The following ANO5 variants were observed in gnomAD, a reference collection of about 807,000 sequenced individuals.
ANO5 encodes anoctamin-5.
Under a neutral mutation model 121.0 loss-of-function variants are expected in ANO5, and 109 were observed. The observed-to-expected ratio is 0.90, with a 90% confidence interval of 0.77 to 1.06. The LOEUF (loss-of-function observed/expected upper bound fraction) is 1.06, where lower values mean the gene tolerates loss of function less well. Ranked by LOEUF, ANO5 falls within the 50% of genes least tolerant of loss-of-function variation. The probability of loss-of-function intolerance (pLI) is 0.00; values close to 1 mark genes in which losing one functional copy is unlikely to be tolerated. For synonymous variants in ANO5, 406 were observed against 359.9 expected (o/e 1.13, Z -1.45); for missense variants, 1,064 against 1,078.5 (o/e 0.99, Z 0.19).
chr11:22,266,012 T>C (rs1198472977), intron 17 of ANO5, among the ~76,000 whole-genome samples: 3 of 152,206 alleles, frequency 2.0e-5, no homozygotes, highest in South Asian at 2.1e-4. Context: ...GAAAGAGTAG[T>C]CTTTTTCGTA....
chr11:22,236,086 T>C lies in ANO5; in HGVS notation c.649-77T>C, dbSNP rs151005442. 130 of 961,160 alleles carry C rather than the reference T, an allele frequency of 1.4e-4. No homozygotes were observed. In the African/African-American group the frequency reaches 1.8e-3, roughly 13 times the overall value. 59.5% of individuals were successfully genotyped at this position (961,160 alleles called of 1,614,324 possible). On this transcript the variant is annotated intron_variant, in intron 7 of 21. Coordinates refer to ENST00000324559, the MANE Select transcript of ANO5 (RefSeq NM_213599.3). The stretch of plus-strand genomic sequence containing the variant: ...GTATCTACATTCAAAGTAGACATTG[T>C]TAAATTGTGATTGAAAGAAATGTGG...
At chr11:22,220,969 C>T in intron 4 of ANO5, 128 bp from the exon 5 acceptor site, 1 of 688,112 alleles carries the variant, frequency 1.5e-6, no homozygotes, top group East Asian at 2.8e-5. Flanking sequence ...TAAAACAAAG[C>T]ATAATCTGTT....
intron 5 of ANO5, among the ~76,000 whole-genome samples, chr11:22,225,344 C>G (rs1427862360): frequency 2.0e-5 from 3 of 151,714 alleles, no homozygotes; most frequent in Non-Finnish European, 4.4e-5. Context: ...TCTTGTAGTC[C>G]CAGCTACTCA....
Position 22,269,410 on chromosome 11 carries a change from AAG to A in ANO5, c.1899-898_1899-897del, listed in dbSNP as rs1263146510. Among the ~76,000 whole-genome samples, 573 of 150,430 alleles carry A rather than the reference AAG, an allele frequency of 3.8e-3. 10 individuals are homozygous for A. The highest frequency in any genetic ancestry group is 0.013 in the African/African-American group (545 of 40,738). On this transcript the variant is annotated intron_variant, in intron 17 of 21. Transcript: ENST00000324559. ...GAAAGGAAGGAAGGAAGGAGAAAAA[AAG>A]AGAAGGAAAAGAGAAGGGAAGGGAA...
At chr11:22,273,192 A>G (rs1854692579) in intron 19 of ANO5, among the ~76,000 whole-genome samples, 1 of 152,148 alleles carries the variant, frequency 6.6e-6, no homozygotes, top group African/African-American at 2.4e-5. Context: ...TTATAAAATT[A>G]CTCTCATTGA....
intron 1 of ANO5, among the ~76,000 whole-genome samples, chr11:22,193,773 C>T (rs115681635): frequency 6.6e-6 from 1 of 152,162 alleles, no homozygotes; most frequent in Non-Finnish European, 1.5e-5. Flanking sequence ...CAGGGACCTG[C>T]GACCTGTGAC....
intron 19 of ANO5, among the ~76,000 whole-genome samples, chr11:22,273,937 T>C (rs1381612588): frequency 2.1e-5 from 3 of 144,978 alleles, no homozygotes; most frequent in Admixed American, 6.7e-5. Flanking sequence ...TTACATTAGA[T>C]TTTTTTTAAA....
chr11:22,212,400 A>C (rs1382356526), intron 3 of ANO5, among the ~76,000 whole-genome samples: 1 of 151,962 alleles, frequency 6.6e-6, no homozygotes, highest in African/African-American at 2.4e-5. Context: ...TGCTATTACA[A>C]ATGTTGCTAA....
rs751085690 is a variant in ANO5 at position 22,236,256 on chromosome 11, T to C, written c.742T>C (p.Ser248Pro). 6.2e-7 allele frequency: 1 copy of C among 1,612,258 alleles called. No homozygotes were observed. The highest frequency in any genetic ancestry group is 2.2e-5 in the East Asian group (1 of 44,712). Residue 248 changes from serine (S) to proline (P), a missense_variant, in exon 8 of 22, where the codon TCT (serine) becomes CCT (proline). Transcript: ENST00000324559. ...ACTGCTAAACTCTAACACTTACTCA[T>C]CTGCCTATCCACTCCATGATGTATG... ...ERLLNSNTYSSAYPLHDGQYW... is the reference protein window; with the variant it reads ...ERLLNSNTYSPAYPLHDGQYW...
At chr11:22,215,042 A>G (rs1325590831) in intron 3 of ANO5, among the ~76,000 whole-genome samples, 4 of 152,038 alleles carry the variant, frequency 2.6e-5, no homozygotes, top group Non-Finnish European at 5.9e-5. Flanking sequence ...GATGGAAACT[A>G]TTATGCTTAA....
At chr11:22,221,301 T>C in intron 5 of ANO5, 91 bp downstream of exon 5, 1 of 1,112,634 alleles carries the variant, frequency 9.0e-7, no homozygotes, top group Non-Finnish European at 1.3e-6. Context: ...GTTGTAAAAG[T>C]GAGAGGCCCT....
intron 14 of ANO5, among the ~76,000 whole-genome samples, chr11:22,259,170 C>T (rs919547362): frequency 2.0e-5 from 3 of 150,518 alleles, no homozygotes; most frequent in African/African-American, 7.3e-5. Flanking sequence ...CACAAAAGAA[C>T]ATTCCTAATT....
At chr11:22,217,911 C>G (rs1852504483) in intron 3 of ANO5, among the ~76,000 whole-genome samples, 1 of 151,652 alleles carries the variant, frequency 6.6e-6, no homozygotes, top group Non-Finnish European at 1.5e-5. Flanking sequence ...ATCTGCACTT[C>G]CTGCACATGT....
In ANO5 at chr11:22,227,834, T is replaced by C. The variant is rs114134818; in HGVS notation, c.648+248T>C. ...GGATGTAGTAAAGAAAGAGATGTTA[T>C]ACAATATTGGAAAAAGCAATTAATT... On this transcript the variant is annotated intron_variant, in intron 7 of 21. Coordinates refer to ENST00000324559, the MANE Select transcript of ANO5 (RefSeq NM_213599.3). Among the ~76,000 whole-genome samples, 862 of 152,214 alleles carry C rather than the reference T, an allele frequency of 5.7e-3. 4 individuals carry two copies. The highest frequency in any genetic ancestry group is 0.019 in the African/African-American group (781 of 41,540).
At chr11:22,211,783 A>AC (rs1436341575) in intron 3 of ANO5, among the ~76,000 whole-genome samples, 1 of 151,862 alleles carries the variant, frequency 6.6e-6, no homozygotes, top group Non-Finnish European at 1.5e-5. Context: ...TGGTAAGGGG[A>AC]CCTGAAACTT....
At position 22,259,540 on chromosome 11, in the gene ANO5, A is replaced by C; in HGVS notation, c.1429A>C (p.Met477Leu). 1.2e-6 allele frequency: 2 copies of C among 1,614,110 alleles called. No homozygotes were observed. The highest frequency in any genetic ancestry group is 2.2e-5 in the South Asian group (2 of 91,076). Residue 477 changes from methionine (M) to leucine (L), a missense_variant, in exon 15 of 22, where the codon ATG (methionine) becomes CTG (leucine). Physicochemically the swap from Met to Leu is conservative, Grantham distance 15. Transcript: ENST00000324559. ...CCAGATGTCTCTTGTCGTCACCAGT[A>C]TGGTAGCTGTAATTGTGTACCGCCT... The part of the protein sequence containing the change: ...TLWMSLVVTS[M>L]VAVIVYRLSV...
intron 17 of ANO5, among the ~76,000 whole-genome samples, chr11:22,269,475 AAAAGAAAG>A (rs1854517624): frequency 1.1e-4 from 6 of 54,384 alleles, no homozygotes; most frequent in African/African-American, 5.1e-4. Context: ...GAGAAAAAAG[AAAAGAAAG>A]GAAAGAAAAA....
At chr11:22,235,984 A>G (rs1371233335) in intron 7 of ANO5, among the ~76,000 whole-genome samples, 179 bp from the exon 8 acceptor site, 1 of 152,164 alleles carries the variant, frequency 6.6e-6, no homozygotes, top group Non-Finnish European at 1.5e-5. Flanking sequence ...AAGCTAAAAT[A>G]TCTGCAAACT....
intron 21 of ANO5, among the ~76,000 whole-genome samples, chr11:22,278,474 C>G (rs926932959): frequency 1.3e-5 from 2 of 148,892 alleles, no homozygotes; most frequent in Admixed American, 6.7e-5. Context: ...GGATTAATAT[C>G]TTTTTTAAAA....
Sources: gnomAD v4.1 joint callset for allele counts (sites outside exome capture counted in the v4.1 genomes callset) on GRCh38, gnomAD v4.1.1 for gene constraint, MANE v1.5 for transcripts, NCBI Gene and HGNC (gene_info 2026-07-23, HGNC 2026-07-21) for gene names.